The following KLF7 variants were observed in gnomAD, a reference collection of about 807,000 sequenced individuals.
KLF7 encodes the protein KLF transcription factor 7.
In KLF7, 2 loss-of-function variants were observed where a neutral mutation model predicts 27.3. The observed-to-expected ratio is 0.07, with a 90% confidence interval of 0.03 to 0.23. KLF7 has a LOEUF of 0.23. Among genes scored for constraint, KLF7 ranks in the 10% least tolerant of loss-of-function variants. The pLI is 1.00. For missense variants in KLF7, 221 were observed against 394.1 expected (o/e 0.56, Z 3.72); for synonymous variants, 165 against 162.4 (o/e 1.02, Z -0.12).
intron 1 of KLF7, among the ~76,000 whole-genome samples, chr2:207,164,164 CTT>C (rs1437759743): frequency 6.6e-6 from 1 of 152,242 alleles, no homozygotes; most frequent in Admixed American, 6.5e-5. Context: ...AGCCAAACCT[CTT>C]TTGCTAAAGC....
At chr2:207,139,124 GA>G (rs1227795859) in intron 1 of KLF7, among the ~76,000 whole-genome samples, 1 of 152,174 alleles carries the variant, frequency 6.6e-6, no homozygotes, top group Non-Finnish European at 1.5e-5. Context: ...GAGACCTGTA[GA>G]AACCATCCAT....
rs1020991035 is a variant in KLF7, at chr2:207,074,650, C to T, written c.*6563G>A. 1 of 152,134 alleles carries T rather than the reference C, an allele frequency of 6.6e-6. No homozygotes were observed. Among genetic ancestry groups the T allele is most frequent in the African/African-American group, 2.4e-5 (1 of 41,416 alleles). The allele number at this position is 152,134 out of a possible 1,614,324, so 9.4% of individuals were successfully genotyped here. A position where few individuals can be genotyped will look rare whatever the true frequency, so the allele number is the denominator to read the frequency against. ...TTATTCCCTCTGATCTTTACCCTTC[C>T]TCCTTCACAGACTGCTTCAAAGATC... On this transcript the variant is annotated 3_prime_UTR_variant, in exon 4 of 4. Transcript: ENST00000309446.
At chr2:207,154,265 G>C (rs375566489) in intron 1 of KLF7, among the ~76,000 whole-genome samples, 37 of 152,174 alleles carry the variant, frequency 2.4e-4, no homozygotes, top group African/African-American at 8.2e-4. Context: ...GTAGTAACCG[G>C]CACTGTATTA....
chr2:207,110,317 T>C (rs2077000210), intron 2 of KLF7, among the ~76,000 whole-genome samples: 1 of 152,242 alleles, frequency 6.6e-6, no homozygotes, highest in African/African-American at 2.4e-5. Flanking sequence ...CAGCGCAATA[T>C]ACAGTTTTAC....
At chr2:207,116,401 TTA>T (rs1491272719) in intron 2 of KLF7, among the ~76,000 whole-genome samples, 4 of 152,218 alleles carry the variant, frequency 2.6e-5, no homozygotes, top group Non-Finnish European at 5.9e-5. Context: ...ACCAATTTGT[TTA>T]AAAAAATTAA....
At chr2:207,082,909 T>C (rs1263595) in intron 3 of KLF7, among the ~76,000 whole-genome samples, 42,472 of 152,088 alleles carry the variant, frequency 0.28, 6,146 homozygotes, top group Middle Eastern at 0.34. Flanking sequence ...ATTCCTTAAA[T>C]AGGCACATGT....
intron 1 of KLF7, chr2:207,134,258 C>A: frequency 1.4e-6 from 1 of 719,920 alleles, no homozygotes; most frequent in Middle Eastern, 2.5e-4. Flanking sequence ...CCTTCCCCTA[C>A]CCCCATAAAA....
chr2:207,156,536 C>T (rs186288819), intron 1 of KLF7, among the ~76,000 whole-genome samples: 2 of 152,326 alleles, frequency 1.3e-5, no homozygotes, highest in Non-Finnish European at 1.5e-5. Flanking sequence ...AGTGGAAAAT[C>T]ATGGCCAAGG....
chr2:207,086,264 C>G (rs145271788), intron 3 of KLF7, among the ~76,000 whole-genome samples: 2,512 of 152,298 alleles, frequency 0.016, 84 homozygotes, highest in African/African-American at 0.056. Flanking sequence ...TGCCAACTCC[C>G]GGTCACTCCA....
rs1330814644 is a variant in KLF7, at chr2:207,077,332, CA to C, written c.*3880del. On this transcript the variant is annotated 3_prime_UTR_variant, in exon 4 of 4. Coordinates refer to ENST00000309446, the MANE Select transcript of KLF7 (RefSeq NM_003709.4). ...GATAATCTGGAAAGCTTATCCCAAA[CA>C]AAAGTCCTTATAAAATCTTCTCTGA... 3 of 152,118 alleles carry C rather than the reference CA, an allele frequency of 2.0e-5. No homozygotes were observed. Among genetic ancestry groups the C allele is most frequent in the Admixed American group, 6.5e-5 (1 of 15,280 alleles). 9.4% of individuals were successfully genotyped at this position (152,118 alleles called of 1,614,324 possible). A position where few individuals can be genotyped will look rare whatever the true frequency, so the allele number is the denominator to read the frequency against.
intron 2 of KLF7, among the ~76,000 whole-genome samples, chr2:207,117,892 T>C (rs1209060496): frequency 2.0e-5 from 3 of 152,174 alleles, no homozygotes; most frequent in African/African-American, 4.8e-5. Context: ...TACTGCCCCA[T>C]CACCACCCTT....
chr2:207,143,475 G>C (rs887312697), intron 1 of KLF7, among the ~76,000 whole-genome samples: 3 of 151,788 alleles, frequency 2.0e-5, no homozygotes, highest in Non-Finnish European at 2.9e-5. Flanking sequence ...TATTTTGTCA[G>C]TTGAGGGAAC....
chr2:207,133,964 T>C, intron 1 of KLF7: 1 of 816,314 alleles, frequency 1.2e-6, no homozygotes, highest in South Asian at 1.9e-5. Context: ...GCATTATTAA[T>C]CCTGTTTTAC....
chr2:207,077,726 T>C lies in KLF7; in HGVS notation c.*3487A>G, dbSNP rs538230891. On this transcript the variant is annotated 3_prime_UTR_variant, in exon 4 of 4. Transcript: ENST00000309446. ...CCAGTAGCTAGGAGCAGCATTATAA[T>C]TTCAGGTTTCCATGTCTATGACTTA... The C allele has an allele frequency of 6.6e-6, 1 of 152,266 alleles. No individual in the cohort carries two copies. The highest frequency in any genetic ancestry group is 6.5e-5 in the Admixed American group (1 of 15,292). The allele number at this position is 152,266 out of a possible 1,614,324, so 9.4% of individuals were successfully genotyped here. A position where few individuals can be genotyped will look rare whatever the true frequency, so the allele number is the denominator to read the frequency against.
At chr2:207,104,376 A>G (rs2076833346) in intron 2 of KLF7, among the ~76,000 whole-genome samples, 1 of 152,218 alleles carries the variant, frequency 6.6e-6, no homozygotes, top group Non-Finnish European at 1.5e-5. Context: ...ACGTAAACAA[A>G]CTAGACAATA....
intron 2 of KLF7, among the ~76,000 whole-genome samples, chr2:207,110,248 A>G (rs541361950): frequency 1.4e-4 from 21 of 152,342 alleles, no homozygotes; most frequent in South Asian, 6.2e-4. Flanking sequence ...TATGCTCCTC[A>G]TGGTGCTGGT....
At chr2:207,086,575 T>C (rs2076394198) in intron 3 of KLF7, among the ~76,000 whole-genome samples, 1 of 152,198 alleles carries the variant, frequency 6.6e-6, no homozygotes. Flanking sequence ...AGCAAAAGAC[T>C]AACCAAATCA....
At chr2:207,171,911 C>T (rs1055752935), upstream of KLF7, among the ~76,000 whole-genome samples, 3 of 152,082 alleles carry the variant, frequency 2.0e-5, no homozygotes, top group Admixed American at 6.5e-5. Flanking sequence ...ACAATATTTA[C>T]GTTGTTAGTA....
At position 207,080,680 on chromosome 2, in the gene KLF7, G is replaced by A. The variant is rs1265121191; in HGVS notation, c.*533C>T. 5.0e-6 allele frequency: 2 copies of A among 397,128 alleles called. No homozygotes were observed. The highest frequency in any genetic ancestry group is 2.1e-5 in the African/African-American group (1 of 48,576). The allele number at this position is 397,128 out of a possible 1,614,324, so 24.6% of individuals were successfully genotyped here. The stretch of plus-strand genomic sequence containing the variant: ...GACAAATAAACCAAGAGTTAATTTT[G>A]GCTACCAAACTGCAATTTGGTTTTC... On this transcript the variant is annotated 3_prime_UTR_variant, in exon 4 of 4. Transcript: ENST00000309446.
Sources: gnomAD v4.1 joint callset for allele counts (sites outside exome capture counted in the v4.1 genomes callset) on GRCh38, gnomAD v4.1.1 for gene constraint, MANE v1.5 for transcripts, NCBI Gene and HGNC (gene_info 2026-07-23, HGNC 2026-07-21) for gene names.